Variants in NBPF20 observed in about 807,000 individuals in gnomAD.
NBPF20 encodes NBPF member 20.
NBPF20 carries 90 observed loss-of-function variants against 68.1 expected under a neutral mutation model. That is an observed-to-expected ratio of 1.32 (90% CI 1.11 to 1.58). The LOEUF (loss-of-function observed/expected upper bound fraction) is 1.58. Among genes scored for constraint, NBPF20 ranks in the 40% most tolerant of loss-of-function variants. NBPF20 has a pLI of 0.00. For synonymous variants in NBPF20, 290 were observed against 228.1 expected (o/e 1.27, Z -2.45); for missense variants, 816 against 601.2 (o/e 1.36, Z -3.74).
At chr1:145,406,270 ATTTG>A (rs1396027689), upstream of NBPF20, among the ~76,000 whole-genome samples, 9 of 151,366 alleles carry the variant, frequency 5.9e-5, no homozygotes, top group East Asian at 5.8e-4. Flanking sequence ...TATGCCACTA[ATTTG>A]TTTGATTGTG....
At chr1:145,424,555 G>A in the NBPF20 span, among the ~76,000 whole-genome samples, 1 of 152,186 alleles carries the variant, frequency 6.6e-6, no homozygotes, top group African/African-American at 2.4e-5. Flanking sequence ...GAACAACACT[G>A]TAACCCAAAG....
the NBPF20 span, among the ~76,000 whole-genome samples, chr1:145,416,099 T>G: frequency 2.0e-5 from 3 of 151,262 alleles, no homozygotes; most frequent in African/African-American, 7.3e-5. Context: ...CCGTTGCATT[T>G]GAGCCCAAGG....
the NBPF20 span, among the ~76,000 whole-genome samples, chr1:145,423,579 T>C: frequency 6.6e-6 from 1 of 151,924 alleles, no homozygotes; most frequent in African/African-American, 2.4e-5. Flanking sequence ...AAAAAAGTAT[T>C]ACAAATCAAC....
At chr1:145,415,074 G>A in the NBPF20 span, among the ~76,000 whole-genome samples, 115 of 152,064 alleles carry the variant, frequency 7.6e-4, 3 homozygotes, top group African/African-American at 2.5e-3. Flanking sequence ...GGGCATTTCC[G>A]GAGAGGGGGA....
rs1265275345 is a variant in NBPF20 at position 145,395,788 on chromosome 1, C to G, written c.828-647G>C. On this transcript the variant is annotated intron_variant, in intron 7 of 137. Transcript: ENST00000369373. ...GACTGTTAGAAGGAAAACTAACACA[C>G]AGAAAGGAATAACATCAACATCAAC... Among the ~76,000 whole-genome samples, 11 of 148,610 alleles carry G rather than the reference C, an allele frequency of 7.4e-5. 1 individual carries two copies. Among genetic ancestry groups the G allele is most frequent in the South Asian group, 2.1e-4 (1 of 4,790 alleles).
intron 9 of NBPF20, chr1:145,393,602 T>C: frequency 1.5e-6 from 1 of 670,044 alleles, no homozygotes; most frequent in South Asian, 1.9e-5. Context: ...AAGCATGTCC[T>C]CAATAATTTT....
rs781824778 is a variant in NBPF20 at position 145,405,292 on chromosome 1, G to T, written c.-20C>A. On this transcript the variant is annotated 5_prime_UTR_variant, in exon 2 of 138. Transcript: ENST00000369373. ...CACCATGCTGACGTTTGTGGCAGAA[G>T]AGGTGGAGTCAGGGACTGGGGAGAA... 4 of 1,601,360 alleles carry T rather than the reference G, an allele frequency of 2.5e-6. No individual in the cohort carries two copies. In the East Asian group the frequency reaches 6.7e-5, roughly 27 times the overall value.
the NBPF20 span, among the ~76,000 whole-genome samples, chr1:145,421,431 T>A: frequency 3.9e-5 from 6 of 152,348 alleles, no homozygotes; most frequent in Non-Finnish European, 7.3e-5. Context: ...GTGACTCTGC[T>A]GTATACAAGC....
At chr1:145,397,633 C>A (rs1662321028) in intron 7 of NBPF20, among the ~76,000 whole-genome samples, 1 of 152,086 alleles carries the variant, frequency 6.6e-6, no homozygotes, top group South Asian at 2.1e-4. Flanking sequence ...CAAAAACATG[C>A]CAAACTGTAA....
At chr1:145,419,869 G>T in the NBPF20 span, among the ~76,000 whole-genome samples, 1 of 152,130 alleles carries the variant, frequency 6.6e-6, no homozygotes, top group Non-Finnish European at 1.5e-5. Context: ...AGGTCCTGGG[G>T]AACCAAGAAT....
chr1:145,423,068 G>C, the NBPF20 span, among the ~76,000 whole-genome samples: 2 of 139,770 alleles, frequency 1.4e-5, no homozygotes, highest in Non-Finnish European at 3.1e-5. Context: ...TCCTAGGTTA[G>C]GCATTGATTT....
the NBPF20 span, among the ~76,000 whole-genome samples, chr1:145,412,305 G>C: frequency 1.3e-5 from 2 of 151,942 alleles, no homozygotes; most frequent in South Asian, 4.1e-4. Flanking sequence ...AAAAACCTTT[G>C]TCTACTGTGT....
chr1:145,421,683 T>C, the NBPF20 span, among the ~76,000 whole-genome samples: 1 of 152,212 alleles, frequency 6.6e-6, no homozygotes, highest in African/African-American at 2.4e-5. Context: ...GAATACTATA[T>C]TCATAAATAA....
chr1:145,400,018 G>C (rs1662440039), intron 6 of NBPF20, among the ~76,000 whole-genome samples: 1 of 152,176 alleles, frequency 6.6e-6, no homozygotes, highest in Non-Finnish European at 1.5e-5. Context: ...CAAATACAAA[G>C]GCAAGGCTGC....
chr1:145,295,499 G>C (rs1661292222), intron 133 of NBPF20, 68 bp downstream of exon 138: 1 of 180,346 alleles, frequency 5.5e-6, no homozygotes, highest in African/African-American at 1.5e-4. Flanking sequence ...ACACACTCTT[G>C]TTTTCCCTGG....
chr1:145,394,462 G>A (rs1487332936), intron 8 of NBPF20, among the ~76,000 whole-genome samples: 1 of 152,096 alleles, frequency 6.6e-6, no homozygotes, highest in African/African-American at 2.4e-5. Flanking sequence ...ATGATGGACA[G>A]ATGAGCTAAA....
chr1:145,292,546 C>G, intron 136 of NBPF20, 57 bp from the exon 142 acceptor site: 3 of 702,846 alleles, frequency 4.3e-6, no homozygotes, highest in Non-Finnish European at 7.5e-6. Context: ...ACACACATAA[C>G]AATCCACTGT....
At position 145,393,925 on chromosome 1, in the gene NBPF20, C is replaced by T; in HGVS notation, c.1002G>A (p.Trp334Ter). ...CTTGGTCCTCCTTTTTCACTTGATC[C>T]CACCGATGTCCTGCAAATAAATTCA... is the stretch of plus-strand genomic sequence containing the variant. Residue 334 changes from tryptophan to a stop codon, truncating the protein, a stop_gained, in exon 9 of 138, where the codon TGG becomes TGA. Coordinates refer to ENST00000369373, the Ensembl canonical transcript of NBPF20. LOFTEE classifies it high-confidence loss of function. 2 of 1,397,288 alleles carry T rather than the reference C, an allele frequency of 1.4e-6. No homozygotes were observed. Among genetic ancestry groups the T allele is most frequent in the South Asian group, 1.1e-5 (1 of 87,006 alleles). 86.6% of individuals were successfully genotyped at this position (1,397,288 alleles called of 1,614,324 possible).
intron 9 of NBPF20, among the ~76,000 whole-genome samples, chr1:145,393,487 A>ACACACC (rs1553662729): frequency 4.0e-5 from 6 of 151,548 alleles, no homozygotes; most frequent in Non-Finnish European, 7.4e-5. Flanking sequence ...ACACACACAC[A>ACACACC]CACAGAGCGA....
Sources: gnomAD v4.1 joint callset for allele counts (sites outside exome capture counted in the v4.1 genomes callset) on GRCh38, gnomAD v4.1.1 for gene constraint, MANE v1.5 for transcripts, NCBI Gene and HGNC (gene_info 2026-07-23, HGNC 2026-07-21) for gene names.